Variants in PSG5 observed in about 807,000 individuals in gnomAD.
PSG5 encodes pregnancy specific beta-1-glycoprotein 5.
PSG5 carries 53 observed loss-of-function variants against 37.7 expected under a neutral mutation model. That is an observed-to-expected ratio of 1.41 (90% CI 1.13 to 1.77). The LOEUF (loss-of-function observed/expected upper bound fraction) is 1.77. Ranked by LOEUF, PSG5 falls within the 40% of genes most tolerant of loss-of-function variation. PSG5 has a pLI of 0.00. For missense variants in PSG5, 547 were observed against 405.2 expected, an observed-to-expected ratio of 1.35 and a Z score of -3.00; for synonymous variants, 221 against 155.4, an observed-to-expected ratio of 1.42 and a Z score of -3.14.
At chr19:43,180,921 C>T (rs1969114239) in intron 2 of PSG5, among the ~76,000 whole-genome samples, 1 of 151,534 alleles carries the variant, frequency 6.6e-6, no homozygotes, top group Non-Finnish European at 1.5e-5. Context: ...AAAGAACTCC[C>T]TGCTTCTAAT....
chr19:43,183,029 G>C (rs1250612742), intron 2 of PSG5, among the ~76,000 whole-genome samples: 1 of 150,666 alleles, frequency 6.6e-6, no homozygotes, highest in Admixed American at 6.6e-5. Flanking sequence ...GAAGGCCTAG[G>C]GGTGGGGGAA....
chr19:43,175,136 A>G, intron 4 of PSG5, 79 bp downstream of exon 4: 2 of 1,609,862 alleles, frequency 1.2e-6, no homozygotes, highest in Non-Finnish European at 1.7e-6. Flanking sequence ...GGGAATAAAA[A>G]TGTTTTCCTA....
rs908524571 is a variant in PSG5, at chr19:43,173,921, C to T, written c.964+1294G>A. Among the ~76,000 whole-genome samples, 8 of 151,648 alleles carry T rather than the reference C, an allele frequency of 5.3e-5. 1 individual carries two copies. Among genetic ancestry groups the T allele is most frequent in the African/African-American group, 1.5e-4 (6 of 41,218 alleles). On this transcript the variant is annotated intron_variant, in intron 4 of 5. Coordinates refer to ENST00000342951, the MANE Select transcript of PSG5 (RefSeq NM_002781.4). ...GAACAAATATTTGTACACTGATGTT[C>T]AGAGAAGCATTACTCACACTAGCGA...
At chr19:43,175,713 C>T (rs1299245924) in intron 3 of PSG5, 157 bp downstream of exon 3, 3 of 1,458,884 alleles carry the variant, frequency 2.1e-6, no homozygotes, top group Non-Finnish European at 2.8e-6. Context: ...AAGGCTGTGC[C>T]TACCTAGGTT....
rs766739165 is a variant in PSG5 at position 43,175,874 on chromosome 19, G to T, written c.705C>A (p.Val235=). The T allele has an allele frequency of 5.0e-6, 8 of 1,612,306 alleles. No homozygotes were observed. In the African/African-American group the frequency reaches 1.1e-4, roughly 22 times the overall value. The stretch of plus-strand genomic sequence containing the variant: ...AGAGGAACAAAAGATACTCACAGAG[G>T]ACATTCAGGGTGACTGGGTCACTGC... ...GMRSDPVTLN[V]LYGPDLPSIY... Residue 235 remains valine, a synonymous_variant, in exon 3 of 6, where the codon GTC becomes GTA. Coordinates refer to ENST00000342951, the MANE Select transcript of PSG5 (RefSeq NM_002781.4).
intron 2 of PSG5, among the ~76,000 whole-genome samples, 196 bp downstream of exon 2, chr19:43,184,586 T>C (rs1969202035): frequency 6.6e-6 from 1 of 151,368 alleles, no homozygotes; most frequent in African/African-American, 2.4e-5. Flanking sequence ...GTCTGCAGGG[T>C]CTGGATGCGG....
At chr19:43,182,873 G>T (rs1969159605) in intron 2 of PSG5, among the ~76,000 whole-genome samples, 1 of 147,464 alleles carries the variant, frequency 6.8e-6, no homozygotes, top group Non-Finnish European at 1.5e-5. Context: ...TTAGTGACCT[G>T]GGAACATTGG....
chr19:43,179,281 G>A (rs1969078084), intron 2 of PSG5: 1 of 1,303,344 alleles, frequency 7.7e-7, no homozygotes. Flanking sequence ...GCCCATGGCA[G>A]GTGTGTGTGT....
intron 4 of PSG5, among the ~76,000 whole-genome samples, chr19:43,172,068 T>G (rs556109330): frequency 6.6e-6 from 1 of 150,708 alleles, no homozygotes; most frequent in African/African-American, 2.4e-5. Context: ...GAAAGTACTA[T>G]AAATAATTTT....
chr19:43,176,252 G>A lies in PSG5; in HGVS notation c.431-104C>T, dbSNP rs1351837421. On this transcript the variant is annotated intron_variant, in intron 2 of 5. Transcript: ENST00000342951. ...ATCTCCCACCTGTCAACCCACCAGA[G>A]TCCTTGAAAGCCAGTAGCTGATGCA... is the stretch of plus-strand genomic sequence containing the variant. 5 of 1,531,010 alleles carry A rather than the reference G, an allele frequency of 3.3e-6. No homozygotes were observed. In the Admixed American group the frequency reaches 7.4e-5, roughly 23 times the overall value. The allele number at this position is 1,531,010 out of a possible 1,614,324, so 94.8% of individuals were successfully genotyped here. A position where few individuals can be genotyped will look rare whatever the true frequency, so the allele number is the denominator to read the frequency against.
chr19:43,182,328 T>C (rs865918075), intron 2 of PSG5, among the ~76,000 whole-genome samples: 2 of 151,704 alleles, frequency 1.3e-5, no homozygotes, highest in Non-Finnish European at 2.9e-5. Context: ...ACAAAATTTG[T>C]AACTAATTGC....
Position 43,184,805 on chromosome 19 carries a change from C to A in PSG5, c.407G>T (p.Gly136Val), listed in dbSNP as rs765887469. Residue 136 changes from glycine to valine, a missense_variant, in exon 2 of 6, where the codon GGA becomes GTA. Transcript: ENST00000342951. ...KRGDRTRGVTGYFTFNLYLKL... is the reference protein window; with the variant it reads ...KRGDRTRGVTVYFTFNLYLKL... ...ACGGTATAAGTTGAAGGTGAAATAT[C>A]CAGTTACTCCTCTAGTCCTATCACC... 5 of 1,612,280 alleles carry A rather than the reference C, an allele frequency of 3.1e-6. No homozygotes were observed. Among genetic ancestry groups the A allele is most frequent in the Non-Finnish European group, 4.2e-6 (5 of 1,179,042 alleles).
chr19:43,175,607 G>T (rs1395499313), intron 3 of PSG5, 138 bp from the exon 4 acceptor site: 8 of 1,439,604 alleles, frequency 5.6e-6, no homozygotes, highest in Admixed American at 2.3e-5. Context: ...TATTCACTGA[G>T]CCAAAGCCTG....
intron 1 of PSG5, among the ~76,000 whole-genome samples, chr19:43,185,606 T>C (rs8104735): frequency 0.23 from 35,444 of 151,122 alleles, 4,761 homozygotes; most frequent in Non-Finnish European, 0.27. Flanking sequence ...TGCATGTCTG[T>C]CTTCCTCCCC....
intron 1 of PSG5, among the ~76,000 whole-genome samples, chr19:43,185,671 A>G (rs897209293): frequency 6.6e-6 from 1 of 151,616 alleles, no homozygotes; most frequent in Non-Finnish European, 1.5e-5. Flanking sequence ...GTTGCACCCC[A>G]GTGCCTGGAA....
At chr19:43,172,564 A>T (rs1343930673) in intron 4 of PSG5, among the ~76,000 whole-genome samples, 1 of 151,746 alleles carries the variant, frequency 6.6e-6, no homozygotes, top group Non-Finnish European at 1.5e-5. Context: ...TTCAAACATC[A>T]GTTGTATTTC....
intron 3 of PSG5, 165 bp downstream of exon 3, chr19:43,175,705 G>T: frequency 1.4e-6 from 2 of 1,440,800 alleles, no homozygotes; most frequent in Non-Finnish European, 1.9e-6. Flanking sequence ...TCCTGGTTAA[G>T]GCTGTGCCTA....
At chr19:43,184,304 C>A (rs1034795950) in intron 2 of PSG5, among the ~76,000 whole-genome samples, 15 of 151,620 alleles carry the variant, frequency 9.9e-5, no homozygotes, top group Admixed American at 9.9e-4. Flanking sequence ...ATTCTTGGTC[C>A]CAGTAAGGCC....
Position 43,184,196 on chromosome 19 carries a change from A to G in PSG5, c.430+586T>C, listed in dbSNP as rs188537227. ...TTCTGTCCTCTCCACTCTGAGTGTC[A>G]GGTGAAGAAAGCTCTGTCTTTGCCC... On this transcript the variant is annotated intron_variant, in intron 2 of 5. Transcript: ENST00000342951. Among the ~76,000 whole-genome samples the G allele has an allele frequency of 4.0e-3, 600 of 151,782 alleles. 12 individuals carry two copies. Among genetic ancestry groups the G allele is most frequent in the African/African-American group, 0.014 (579 of 41,274 alleles).
Sources: allele counts gnomAD v4.1 joint callset (sites outside exome capture counted in the v4.1 genomes callset), GRCh38; gene constraint gnomAD v4.1.1; transcripts MANE v1.5; gene names NCBI Gene and HGNC (gene_info 2026-07-23, HGNC 2026-07-21).